The following PTPRB variants were observed in gnomAD, a reference collection of about 807,000 sequenced individuals.
PTPRB encodes the protein receptor-type tyrosine-protein phosphatase beta.
Under a neutral mutation model 238.1 loss-of-function variants are expected in PTPRB, and 97 were observed. That is an observed-to-expected ratio of 0.41 (90% confidence interval 0.35 to 0.48). The LOEUF (loss-of-function observed/expected upper bound fraction) is 0.48. PTPRB is among the 20% of genes least tolerant of loss of function. The pLI, the probability that PTPRB is intolerant of heterozygous loss-of-function variation, is 0.30. For synonymous variants in PTPRB, 970 were observed against 995.4 expected (o/e 0.97, Z 0.48); for missense variants, 2,292 against 2,681.9 (o/e 0.85, Z 3.21).
chr12:70,621,705 A>G (rs546254405), intron 3 of PTPRB, among the ~76,000 whole-genome samples: 2 of 152,334 alleles, frequency 1.3e-5, no homozygotes, highest in East Asian at 3.9e-4. Flanking sequence ...TTATTAGGAA[A>G]AAGCTGAAGT....
intron 16 of PTPRB, among the ~76,000 whole-genome samples, chr12:70,562,035 C>T (rs1458925977): frequency 6.6e-6 from 1 of 152,186 alleles, no homozygotes; most frequent in African/African-American, 2.4e-5. Flanking sequence ...TTTGGGAGGT[C>T]GAGGCAAGAG....
chr12:70,590,356 C>T, intron 7 of PTPRB, 123 bp from the exon 8 acceptor site: 1 of 969,432 alleles, frequency 1.0e-6, no homozygotes, highest in Non-Finnish European at 1.5e-6. Context: ...ATTTCTATCC[C>T]CTCTTGATGT....
intron 21 of PTPRB, among the ~76,000 whole-genome samples, chr12:70,546,445 A>G (rs924530662): frequency 3.3e-5 from 5 of 152,210 alleles, no homozygotes; most frequent in African/African-American, 9.6e-5. Flanking sequence ...TGCTCTCTGC[A>G]TAAGTCAGCC....
intron 18 of PTPRB, 59 bp downstream of exon 18, chr12:70,559,284 G>A: frequency 1.3e-6 from 2 of 1,507,928 alleles, no homozygotes; most frequent in Non-Finnish European, 1.8e-6. Context: ...TGAGTAAGAT[G>A]TTGAACATAT....
chr12:70,524,870 T>C (rs1294650768), intron 32 of PTPRB, among the ~76,000 whole-genome samples: 1 of 147,676 alleles, frequency 6.8e-6, no homozygotes, highest in Non-Finnish European at 1.5e-5. Context: ...TGTGTGTATA[T>C]ATGTGTGTAT....
rs933848591 is a variant in PTPRB, at chr12:70,549,582, G to A, written c.5387+3195C>T. Reference sequence around the variant, plus strand: ...TCTCAATCCTAATTATTCTTTTACCGTGCTATTTCCTGTCCACCTATTCGC... The same window carrying A: ...TCTCAATCCTAATTATTCTTTTACCATGCTATTTCCTGTCCACCTATTCGC... On this transcript the variant is annotated intron_variant, in intron 21 of 33. Coordinates refer to ENST00000334414, the MANE Select transcript of PTPRB (RefSeq NM_001109754.4). 5.9e-5 allele frequency among the ~76,000 whole-genome samples: 9 copies of A among 152,080 alleles called. No homozygotes were observed. The East Asian group carries it at 9.6e-4, about 16-fold the overall frequency.
At position 70,590,062 on chromosome 12, in the gene PTPRB, A is replaced by G. The variant is rs1372380378; in HGVS notation, c.1952T>C (p.Met651Thr). The G allele has an allele frequency of 1.9e-6, 3 of 1,613,864 alleles. No homozygotes were observed. The highest frequency in any genetic ancestry group is 2.5e-6 in the Non-Finnish European group (3 of 1,179,890). Residue 651 changes from methionine (M) to threonine (T), a missense_variant, in exon 8 of 34, where the codon ATG (methionine) becomes ACG (threonine). Met to Thr is a moderately conservative substitution (Grantham distance 81). Coordinates refer to ENST00000334414, the MANE Select transcript of PTPRB (RefSeq NM_001109754.4). ...TVGKEETQYV[M>T]DDTGLVPGRQ... ...TCCCGGTACGAGCCCCGTGTCATCC[A>G]TGACATACTGTGTTTCTTCCTTTCC...
At position 70,521,706 on chromosome 12, in the gene PTPRB, TTC is replaced by T. The variant is rs541375407; in HGVS notation, c.6626-197_6626-196del. On this transcript the variant is annotated intron_variant, in intron 33 of 33. Coordinates refer to ENST00000334414, the MANE Select transcript of PTPRB (RefSeq NM_001109754.4). ...TATTAGACTTGGAAGGGACTAGTGA[TTC>T]TAGCCCATCGCCTCTGTTTTTATGG... is the stretch of plus-strand genomic sequence containing the variant. 9.5e-3 allele frequency among the ~76,000 whole-genome samples: 1,447 copies of T among 152,338 alleles called. 6 individuals carry two copies. The highest frequency in any genetic ancestry group is 0.015 in the Non-Finnish European group (1,049 of 68,030).
rs1235499803 is a variant in PTPRB at position 70,622,439 on chromosome 12, G to A, written c.659C>T (p.Thr220Ile). 6.2e-7 allele frequency: 1 copy of A among 1,612,914 alleles called. No individual in the cohort carries two copies. The highest frequency in any genetic ancestry group is 8.5e-7 in the Non-Finnish European group (1 of 1,179,666). Reference sequence around the variant, plus strand: ...CTGAGTAGTCGACAAAACCCATGATGTGTCTGTAATTCCAGTCATGTGCAG... The same window carrying A: ...CTGAGTAGTCGACAAAACCCATGATATGTCTGTAATTCCAGTCATGTGCAG... The part of the protein sequence containing the change: ...PNLHMTGITD[T>I]SWVLSTTQPF... Residue 220 changes from threonine to isoleucine, a missense_variant, in exon 3 of 34, where the codon ACA becomes ATA. Physicochemically the swap from Thr to Ile is moderately conservative, Grantham distance 89. Coordinates refer to ENST00000334414, the MANE Select transcript of PTPRB (RefSeq NM_001109754.4).
At chr12:70,612,963 G>A (rs547837406) in intron 3 of PTPRB, among the ~76,000 whole-genome samples, 13 of 152,192 alleles carry the variant, frequency 8.5e-5, no homozygotes, top group South Asian at 8.3e-4. Flanking sequence ...CTCCAGCCTC[G>A]GCAACAGAGT....
In PTPRB at chr12:70,521,068, C is replaced by T. The variant is rs889553324; in HGVS notation, c.*421G>A. 21 of 156,648 alleles carry T rather than the reference C, an allele frequency of 1.3e-4. No individual in the cohort carries two copies. The highest frequency in any genetic ancestry group is 5.6e-4 in the East Asian group (3 of 5,384). The allele number at this position is 156,648 out of a possible 1,614,324, so 9.7% of individuals were successfully genotyped here. A position where few individuals can be genotyped will look rare whatever the true frequency, so the allele number is the denominator to read the frequency against. On this transcript the variant is annotated 3_prime_UTR_variant, in exon 34 of 34. Transcript: ENST00000334414. ...GCAGCAAATCTAGCCATAGTATTTG[C>T]TCTCTCTAGCCCTGCCCTTTTTCCT...
intron 32 of PTPRB, 102 bp downstream of exon 32, chr12:70,531,933 G>A: frequency 7.5e-7 from 1 of 1,342,112 alleles, no homozygotes; most frequent in Non-Finnish European, 1.1e-6. Context: ...TTCCTAATGT[G>A]TCATAGTTAT....
chr12:70,523,802 C>T (rs1871942413), intron 33 of PTPRB, among the ~76,000 whole-genome samples: 1 of 151,850 alleles, frequency 6.6e-6, no homozygotes. Flanking sequence ...TTCTCCCCTC[C>T]CCTCTCCTCT....
intron 3 of PTPRB, among the ~76,000 whole-genome samples, chr12:70,612,646 T>A (rs1430538090): frequency 1.3e-5 from 2 of 151,098 alleles, no homozygotes; most frequent in African/African-American, 4.9e-5. Context: ...TGATTAAACA[T>A]GAGTGAACAA....
At chr12:70,618,260 T>C (rs970896291) in intron 3 of PTPRB, among the ~76,000 whole-genome samples, 2 of 152,046 alleles carry the variant, frequency 1.3e-5, no homozygotes, top group South Asian at 2.1e-4. Flanking sequence ...CCACCATATC[T>C]GGGTAATTTT....
chr12:70,607,962 G>A (rs999699901), intron 4 of PTPRB, among the ~76,000 whole-genome samples: 1 of 150,230 alleles, frequency 6.7e-6, no homozygotes. Flanking sequence ...ATGTAATTGG[G>A]CATTTTGATT....
chr12:70,553,477 C>T (rs1156658036), intron 20 of PTPRB, among the ~76,000 whole-genome samples: 2 of 152,140 alleles, frequency 1.3e-5, no homozygotes, highest in African/African-American at 2.4e-5. Context: ...TCCCACAAGG[C>T]GTGCTCCACA....
At chr12:70,603,253 A>C (rs1396955019) in intron 4 of PTPRB, among the ~76,000 whole-genome samples, 1 of 152,208 alleles carries the variant, frequency 6.6e-6, no homozygotes, top group African/African-American at 2.4e-5. Context: ...AATGAACTGT[A>C]AATGGCTGAT....
intron 31 of PTPRB, among the ~76,000 whole-genome samples, chr12:70,533,188 TACAC>T (rs1374936777): frequency 6.6e-6 from 1 of 152,140 alleles, no homozygotes; most frequent in Non-Finnish European, 1.5e-5. Flanking sequence ...GGATTTTTGA[TACAC>T]ACATTTATAA....
Sources: gnomAD v4.1 joint callset for allele counts (sites outside exome capture counted in the v4.1 genomes callset) on GRCh38, gnomAD v4.1.1 for gene constraint, MANE v1.5 for transcripts, NCBI Gene and HGNC (gene_info 2026-07-23, HGNC 2026-07-21) for gene names.